The following DCAF12 variants were observed in gnomAD, a reference collection of about 807,000 sequenced individuals.
The protein encoded by DCAF12 is DDB1- and CUL4-associated factor 12.
A neutral mutation model predicts 52.8 loss-of-function variants in DCAF12; 28 were observed. The observed-to-expected ratio is 0.53, with a 90% CI of 0.39 to 0.73. The LOEUF is 0.73. Ranked by LOEUF, DCAF12 falls within the 30% of genes least tolerant of loss-of-function variation. The pLI, the probability that DCAF12 is intolerant of heterozygous loss-of-function variation, is 0.00. For synonymous variants in DCAF12, 196 were observed against 215.5 expected, an observed-to-expected ratio of 0.91 and a Z score of 0.79; for missense variants, 425 against 552.2, an observed-to-expected ratio of 0.77 and a Z score of 2.31.
intron 2 of DCAF12, among the ~76,000 whole-genome samples, chr9:34,117,279 G>T (rs1464155125): frequency 7.0e-6 from 1 of 142,288 alleles, no homozygotes. Context: ...TTGAGATGGA[G>T]CTCAAAAAAA....
At chr9:34,120,771 G>A (rs2131443711) in intron 2 of DCAF12, among the ~76,000 whole-genome samples, 1 of 151,760 alleles carries the variant, frequency 6.6e-6, no homozygotes, top group South Asian at 2.1e-4. Context: ...AATAATTTCA[G>A]AGAATATCAA....
intron 6 of DCAF12, among the ~76,000 whole-genome samples, chr9:34,096,391 A>G (rs1828736228): frequency 6.6e-6 from 1 of 151,970 alleles, no homozygotes; most frequent in Non-Finnish European, 1.5e-5. Flanking sequence ...TGTCTTTAAA[A>G]ATAAAAATAC....
In DCAF12 at chr9:34,087,838, C is replaced by T. The variant is rs1014368440; in HGVS notation, c.*512G>A. ...ATAAATATTTTAATTACAAGTAATCCTCACTCCAGGTAATTTCAGTGACAC... is the reference window on the plus strand; with the variant it reads ...ATAAATATTTTAATTACAAGTAATCTTCACTCCAGGTAATTTCAGTGACAC... On this transcript the variant is annotated 3_prime_UTR_variant, in exon 9 of 9. Coordinates refer to ENST00000361264, the MANE Select transcript of DCAF12 (RefSeq NM_015397.4). The T allele has an allele frequency of 6.6e-6, 1 of 151,924 alleles. No individual in the cohort carries two copies. Among genetic ancestry groups the T allele is most frequent in the African/African-American group, 2.4e-5 (1 of 41,292 alleles). The allele number at this position is 151,924 out of a possible 1,614,324, so 9.4% of individuals were successfully genotyped here.
chr9:34,086,540 A>G lies in DCAF12; in HGVS notation c.*1810T>C, dbSNP rs1828559450. On this transcript the variant is annotated 3_prime_UTR_variant, in exon 9 of 9. Transcript: ENST00000361264. ...CCTACTGAAGATTTTTTTTTTAAAT[A>G]TACAAGTCAGTTTAAAATGATAGAA... 1 of 152,176 alleles carries G rather than the reference A, an allele frequency of 6.6e-6. No individual in the cohort carries two copies. Among genetic ancestry groups the G allele is most frequent in the African/African-American group, 2.4e-5 (1 of 41,472 alleles). The allele number at this position is 152,176 out of a possible 1,614,324, so 9.4% of individuals were successfully genotyped here. A position where few individuals can be genotyped will look rare whatever the true frequency, so the allele number is the denominator to read the frequency against.
intron 2 of DCAF12, among the ~76,000 whole-genome samples, chr9:34,117,683 G>T (rs763805779): frequency 6.6e-6 from 1 of 152,184 alleles, no homozygotes. Flanking sequence ...GGGAGGCCCA[G>T]GCGGGAGGAT....
At position 34,096,794 on chromosome 9, in the gene DCAF12, T is replaced by A; in HGVS notation, c.796-13A>T. On this transcript the variant is annotated splice_polypyrimidine_tract_variant and intron_variant, in intron 5 of 8. Transcript: ENST00000361264. ...CTGCTCCCAGTTCCTACAAGAGCAA[T>A]GAAAACCAGGTTATATTATCATCTA... is the stretch of plus-strand genomic sequence containing the variant. 1 of 1,612,758 alleles carries A rather than the reference T, an allele frequency of 6.2e-7. No homozygotes were observed. Among genetic ancestry groups the A allele is most frequent in the Non-Finnish European group, 8.5e-7 (1 of 1,179,240 alleles).
At chr9:34,098,217 CAG>C (rs1587732972) in intron 5 of DCAF12, 105 bp downstream of exon 5, 1 of 1,244,304 alleles carries the variant, frequency 8.0e-7, no homozygotes, top group East Asian at 2.4e-5. Context: ...TCTGTGGGCT[CAG>C]AACCATGCTA....
intron 2 of DCAF12, chr9:34,109,723 A>T (rs896558980): frequency 9.5e-5 from 23 of 241,170 alleles, no homozygotes; most frequent in African/African-American, 2.5e-4. Flanking sequence ...GACCCTGTTC[A>T]TGGCCATTGA....
At position 34,089,592 on chromosome 9, in the gene DCAF12, T is replaced by C; in HGVS notation, c.1025-2A>G. The C allele has an allele frequency of 6.3e-7, 1 of 1,598,608 alleles. No individual in the cohort carries two copies. The highest frequency in any genetic ancestry group is 8.5e-7 in the Non-Finnish European group (1 of 1,170,976). On this transcript the variant is annotated splice_acceptor_variant, in intron 7 of 8. Transcript: ENST00000361264. LOFTEE classifies it high-confidence loss of function. ...CGTAGAAACTCACTGACCGGATTCCTGAAAGACAGAAAAGTAAAAGGCAGT... is the reference window on the plus strand; with the variant it reads ...CGTAGAAACTCACTGACCGGATTCCCGAAAGACAGAAAAGTAAAAGGCAGT...
At chr9:34,094,673 A>G (rs546278383) in intron 6 of DCAF12, among the ~76,000 whole-genome samples, 5 of 151,042 alleles carry the variant, frequency 3.3e-5, no homozygotes, top group South Asian at 4.2e-4. Flanking sequence ...TGGGACTACA[A>G]GCGCCCACCA....
At chr9:34,096,886 T>C (rs1828744446) in intron 5 of DCAF12, 105 bp from the exon 6 acceptor site, 1 of 979,496 alleles carries the variant, frequency 1.0e-6, no homozygotes, top group Non-Finnish European at 1.6e-6. Flanking sequence ...TCCTGTCTCG[T>C]GATGATTCCA....
chr9:34,103,384 C>T (rs937012322), intron 4 of DCAF12, among the ~76,000 whole-genome samples: 6 of 147,930 alleles, frequency 4.1e-5, no homozygotes, highest in Admixed American at 6.8e-5. Flanking sequence ...TCCAGCTGGG[C>T]GACAGAGGAG....
At chr9:34,106,630 T>C (rs1222958261) in intron 3 of DCAF12, 136 bp from the exon 4 acceptor site, 2 of 665,108 alleles carry the variant, frequency 3.0e-6, no homozygotes, top group Non-Finnish European at 5.1e-6. Context: ...TGATCTCTGG[T>C]GGTCTCAACC....
At chr9:34,119,748 C>T (rs530099359) in intron 2 of DCAF12, among the ~76,000 whole-genome samples, 38 of 146,824 alleles carry the variant, frequency 2.6e-4, no homozygotes, top group African/African-American at 8.9e-4. Flanking sequence ...GTCACCCAGG[C>T]TAGAGTGCAG....
At chr9:34,110,946 C>T (rs936317981) in intron 2 of DCAF12, among the ~76,000 whole-genome samples, 83 of 150,332 alleles carry the variant, frequency 5.5e-4, no homozygotes, top group African/African-American at 2.0e-3. Context: ...CATGCTCATG[C>T]TGTTCACAAT....
intron 6 of DCAF12, among the ~76,000 whole-genome samples, chr9:34,096,468 G>C (rs1249231531): frequency 6.6e-6 from 1 of 152,118 alleles, no homozygotes; most frequent in African/African-American, 2.4e-5. Context: ...GGGCATGTTG[G>C]CAGACGCCTG....
intron 4 of DCAF12, among the ~76,000 whole-genome samples, chr9:34,101,412 G>A (rs1471990294): frequency 6.8e-6 from 1 of 147,596 alleles, no homozygotes; most frequent in Non-Finnish European, 1.5e-5. Context: ...TTGGTGGTGG[G>A]ACAGAGTTTC....
Position 34,107,477 on chromosome 9 carries a change from C to A in DCAF12, c.422G>T (p.Cys141Phe). Residue 141 changes from cysteine to phenylalanine, a missense_variant, in exon 3 of 9, where the codon TGT becomes TTT. Transcript: ENST00000361264. ...ATTCAGCTCGATGGCATGGATACCA[C>A]AGCCCTGCTGGGTCACACCTCCAGG... ...REPGGVTQQG[C>F]GIHAIELNPS... 1 of 1,614,154 alleles carries A rather than the reference C, an allele frequency of 6.2e-7. No individual in the cohort carries two copies. The highest frequency in any genetic ancestry group is 8.5e-7 in the Non-Finnish European group (1 of 1,180,006).
chr9:34,090,310 T>A (rs1828624237), intron 7 of DCAF12, among the ~76,000 whole-genome samples: 1 of 152,026 alleles, frequency 6.6e-6, no homozygotes, highest in Non-Finnish European at 1.5e-5. Context: ...GTGATCCACC[T>A]TGGCCTCCCA....
Sources: allele counts gnomAD v4.1 joint callset (sites outside exome capture counted in the v4.1 genomes callset), GRCh38; gene constraint gnomAD v4.1.1; transcripts MANE v1.5; gene names NCBI Gene and HGNC (gene_info 2026-07-23, HGNC 2026-07-21).